The following ATRNL1 variants were observed in gnomAD, a reference collection of about 807,000 sequenced individuals.
ATRNL1 encodes attractin like 1.
A neutral mutation model predicts 182.7 loss-of-function variants in ATRNL1; 95 were observed. That is an observed-to-expected ratio of 0.52 (90% CI 0.44 to 0.62). The LOEUF is 0.62. Among genes scored for constraint, ATRNL1 ranks in the 20% least tolerant of loss-of-function variants. The probability of loss-of-function intolerance (pLI) is 0.00; values close to 1 mark genes in which losing one functional copy is unlikely to be tolerated. For missense variants in ATRNL1, 1,471 were observed against 1,679.5 expected (o/e 0.88, Z 2.17); for synonymous variants, 576 against 568.3 (o/e 1.01, Z -0.19).
chr10:115,575,321 C>T (rs1854637024), intron 26 of ATRNL1, among the ~76,000 whole-genome samples: 1 of 152,106 alleles, frequency 6.6e-6, no homozygotes, highest in Non-Finnish European at 1.5e-5. Context: ...AAACAGAATG[C>T]ATTGCATTAA....
chr10:115,715,115 C>T (rs75988989), intron 26 of ATRNL1, among the ~76,000 whole-genome samples: 7,257 of 152,196 alleles, frequency 0.048, 550 homozygotes, highest in African/African-American at 0.16. Context: ...AAGAAATACA[C>T]AGATGCCTTT....
rs1564990086 is a variant in ATRNL1, at chr10:115,389,570, A to ATATATATATATATG, written c.3176-5076_3176-5075insGTATATATATATAT. 1.5e-4 allele frequency among the ~76,000 whole-genome samples: 17 copies of ATATATATATATATG among 115,986 alleles called. 1 individual carries two copies. The highest frequency in any genetic ancestry group is 2.9e-4 in the Non-Finnish European group (16 of 54,424). 76.1% of individuals were successfully genotyped at this position (115,986 alleles called of 152,430 possible). A position where few individuals can be genotyped will look rare whatever the true frequency, so the allele number is the denominator to read the frequency against. On this transcript the variant is annotated intron_variant, in intron 19 of 28. Coordinates refer to ENST00000355044, the MANE Select transcript of ATRNL1 (RefSeq NM_207303.4). ...TATATATATATATATATATATATATATATATATATATATATATATATTTCA... is the reference window on the plus strand; with the variant it reads ...TATATATATATATATATATATATATATATATATATATATGTATATATATATATATATATATTTCA...
intron 24 of ATRNL1, among the ~76,000 whole-genome samples, chr10:115,481,464 T>A (rs1380439728): frequency 6.6e-6 from 1 of 150,822 alleles, no homozygotes; most frequent in Non-Finnish European, 1.5e-5. Context: ...TTGTATATGA[T>A]TTAGTGCTGT....
chr10:115,374,638 T>G (rs1320916289), intron 19 of ATRNL1, among the ~76,000 whole-genome samples: 2 of 151,922 alleles, frequency 1.3e-5, no homozygotes, highest in African/African-American at 2.4e-5. Flanking sequence ...ATTTTCCTAT[T>G]AGTATTGTTT....
chr10:115,270,284 AACATTTGTT>A (rs1454993039), intron 13 of ATRNL1, among the ~76,000 whole-genome samples: 1 of 144,578 alleles, frequency 6.9e-6, no homozygotes, highest in African/African-American at 2.5e-5. Context: ...TAAATATATA[AACATTTGTT>A]TATATATTTG....
At chr10:115,824,662 G>GA (rs1565412366) in intron 27 of ATRNL1, among the ~76,000 whole-genome samples, 1 of 152,036 alleles carries the variant, frequency 6.6e-6, no homozygotes, top group Non-Finnish European at 1.5e-5. Flanking sequence ...ACAAACATAT[G>GA]AAAAAAAGCT....
intron 25 of ATRNL1, among the ~76,000 whole-genome samples, chr10:115,522,562 C>G (rs1246082046): frequency 6.6e-6 from 1 of 152,148 alleles, no homozygotes; most frequent in African/African-American, 2.4e-5. Context: ...AATATTAAAA[C>G]TATAGCATTC....
At chr10:115,576,011 G>C (rs528988250) in intron 26 of ATRNL1, among the ~76,000 whole-genome samples, 1 of 152,102 alleles carries the variant, frequency 6.6e-6, no homozygotes, top group African/African-American at 2.4e-5. Flanking sequence ...CTTTGTGTCT[G>C]GTTCATTTCA....
At chr10:115,312,937 T>A (rs534687410) in intron 17 of ATRNL1, among the ~76,000 whole-genome samples, 1 of 152,142 alleles carries the variant, frequency 6.6e-6, no homozygotes, top group Non-Finnish European at 1.5e-5. Context: ...ACTATCCACT[T>A]GCATTTTGCA....
chr10:115,460,493 A>C (rs1456414679), intron 21 of ATRNL1, among the ~76,000 whole-genome samples: 2 of 152,092 alleles, frequency 1.3e-5, no homozygotes, highest in African/African-American at 4.8e-5. Context: ...CTGTACCTTC[A>C]AAATACATTC....
At chr10:115,797,897 C>T (rs1949693666) in intron 27 of ATRNL1, among the ~76,000 whole-genome samples, 1 of 152,144 alleles carries the variant, frequency 6.6e-6, no homozygotes, top group Non-Finnish European at 1.5e-5. Flanking sequence ...TTCAGTGAGA[C>T]AGTCTAATTT....
intron 24 of ATRNL1, among the ~76,000 whole-genome samples, chr10:115,506,794 T>C (rs1266286400): frequency 1.3e-5 from 2 of 152,058 alleles, no homozygotes; most frequent in African/African-American, 2.4e-5. Context: ...TATGCTGATA[T>C]CAAGCACCAA....
At chr10:115,548,061 G>A (rs1191344887) in intron 25 of ATRNL1, among the ~76,000 whole-genome samples, 1 of 152,178 alleles carries the variant, frequency 6.6e-6, no homozygotes, top group Non-Finnish European at 1.5e-5. Context: ...AAGGAAAAAA[G>A]TTTGAGGCTT....
At chr10:115,589,872 T>C (rs1169449679) in intron 26 of ATRNL1, among the ~76,000 whole-genome samples, 1 of 152,194 alleles carries the variant, frequency 6.6e-6, no homozygotes. Flanking sequence ...TTAGTACCAG[T>C]TTTGTCAGAC....
chr10:115,778,507 A>C (rs1325223120), intron 27 of ATRNL1, among the ~76,000 whole-genome samples: 2 of 152,198 alleles, frequency 1.3e-5, no homozygotes, highest in East Asian at 1.9e-4. Context: ...TTGTGAACAG[A>C]GATATGGTGA....
At chr10:115,875,159 A>G (rs1555106922) in intron 28 of ATRNL1, among the ~76,000 whole-genome samples, 1 of 152,206 alleles carries the variant, frequency 6.6e-6, no homozygotes, top group Non-Finnish European at 1.5e-5. Flanking sequence ...GCATCTCAGC[A>G]TTCTACATCT....
At chr10:115,635,318 TA>T (rs200735973) in intron 26 of ATRNL1, among the ~76,000 whole-genome samples, 4,694 of 128,020 alleles carry the variant, frequency 0.037, 137 homozygotes, top group East Asian at 0.14. Context: ...GGAAAAGTGG[TA>T]AAAAAAAAAA....
intron 22 of ATRNL1, among the ~76,000 whole-genome samples, chr10:115,462,581 C>T (rs1554969966): frequency 6.6e-6 from 1 of 152,122 alleles, no homozygotes; most frequent in African/African-American, 2.4e-5. Context: ...CACTGCACTC[C>T]AGCCTGGCGA....
At chr10:115,543,478 A>T (rs1360159222) in intron 25 of ATRNL1, among the ~76,000 whole-genome samples, 1 of 152,156 alleles carries the variant, frequency 6.6e-6, no homozygotes, top group Non-Finnish European at 1.5e-5. Context: ...TTTCAACACA[A>T]TTTCCCTGTT....
Sources: gnomAD v4.1 joint callset for allele counts (sites outside exome capture counted in the v4.1 genomes callset) on GRCh38, gnomAD v4.1.1 for gene constraint, MANE v1.5 for transcripts, NCBI Gene and HGNC (gene_info 2026-07-23, HGNC 2026-07-21) for gene names.